LTBP4: variants seen among roughly 807,000 people sequenced by gnomAD.
LTBP4 encodes latent-transforming growth factor beta-binding protein 4.
Under a neutral mutation model 180.2 loss-of-function variants are expected in LTBP4, and 93 were observed. The observed-to-expected ratio is 0.52, with a 90% confidence interval of 0.44 to 0.61. LTBP4 has a LOEUF of 0.61. Ranked by LOEUF, LTBP4 falls within the 20% of genes least tolerant of loss-of-function variation. The pLI is 0.00. For synonymous variants in LTBP4, 947 were observed against 934.5 expected (o/e 1.01, Z -0.24); for missense variants, 2,116 against 2,256.5 (o/e 0.94, Z 1.26).
chr19:40,621,125 T>C (rs2081583666), intron 22 of LTBP4, among the ~76,000 whole-genome samples: 1 of 152,124 alleles, frequency 6.6e-6, no homozygotes, highest in Non-Finnish European at 1.5e-5. Flanking sequence ...GTATTTTTAG[T>C]ACAGACGGGG....
chr19:40,610,744 G>A (rs1229390888), intron 12 of LTBP4, 87 bp downstream of exon 12: 5 of 1,479,812 alleles, frequency 3.4e-6, no homozygotes. Flanking sequence ...GAACAATAGG[G>A]CAAAGCGAGT....
chr19:40,623,166 TTTTC>T (rs1176365908), intron 24 of LTBP4, 145 bp downstream of exon 24: 8 of 526,544 alleles, frequency 1.5e-5, no homozygotes, highest in African/African-American at 2.5e-5. Context: ...TCTTTCTTTC[TTTTC>T]TTTCTTTTTT....
At position 40,626,086 on chromosome 19, in the gene LTBP4, G is replaced by A. The variant is rs541630342; in HGVS notation, c.3985+77G>A. 1.8e-5 allele frequency: 26 copies of A among 1,458,530 alleles called. No individual in the cohort carries two copies. The Admixed American group carries it at 3.5e-4, about 20-fold the overall frequency. 90.3% of individuals were successfully genotyped at this position (1,458,530 alleles called of 1,614,324 possible). Reference sequence around the variant, plus strand: ...AATCTAGGCCCTCAGATCCCCAGTCGCAGAACCCCCAGACTCTATCCAAAC... The same window carrying A: ...AATCTAGGCCCTCAGATCCCCAGTCACAGAACCCCCAGACTCTATCCAAAC... On this transcript the variant is annotated intron_variant, in intron 27 of 29. Transcript: ENST00000396819.
At chr19:40,607,285 C>CCA in intron 6 of LTBP4, 80 bp from the exon 7 acceptor site, 3 of 1,099,384 alleles carry the variant, frequency 2.7e-6, no homozygotes, top group Non-Finnish European at 3.9e-6. Context: ...ACCCCAGAAC[C>CCA]ATTCCCCTCT....
rs770431331 is a variant in LTBP4, at chr19:40,623,977, G to A, written c.3727G>A (p.Gly1243Ser). The change falls in exon 26 of 30, where the codon GGC (glycine) becomes AGC (serine). Residue 1243 changes from glycine to serine, a missense_variant. Gly to Ser is a moderately conservative substitution (Grantham distance 56, BLOSUM62 0). Coordinates refer to ENST00000396819, the MANE Select transcript of LTBP4 (RefSeq NM_001042545.2). Reference sequence around the variant, plus strand: ...CGATGAGGAACCGGCCTGTGAGGGCGGCCGCTGTGTCAACACTGTGGGCTC... The same window carrying A: ...CGATGAGGAACCGGCCTGTGAGGGCAGCCGCTGTGTCAACACTGTGGGCTC... Reference protein sequence around the residue: ...CADEEPACEGGRCVNTVGSYH... With the variant: ...CADEEPACEGSRCVNTVGSYH... The A allele has an allele frequency of 2.5e-6, 4 of 1,613,816 alleles. No homozygotes were observed. Among genetic ancestry groups the A allele is most frequent in the African/African-American group, 1.3e-5 (1 of 75,050 alleles).
At chr19:40,623,394 C>G (rs951910653) in intron 24 of LTBP4, among the ~76,000 whole-genome samples, 1 of 152,018 alleles carries the variant, frequency 6.6e-6, no homozygotes, top group Non-Finnish European at 1.5e-5. Flanking sequence ...AGATTGGTCT[C>G]GAACTCCTGA....
rs190542442 is a variant in LTBP4, at chr19:40,622,887, C to T, written c.3485-63C>T. On this transcript the variant is annotated intron_variant, in intron 23 of 29. Transcript: ENST00000396819. This position sits in a 1 kb window ranked among gnomAD's most constrained non-coding sequence, Gnocchi z 5.1. ...GAGGGACTTTTGTGACAAGTGGGCA[C>T]GAGCAGGTCAGGGCTGGGGCTGGGG... The T allele has an allele frequency of 1.7e-5, 26 of 1,529,416 alleles. No homozygotes were observed. Among genetic ancestry groups the T allele is most frequent in the South Asian group, 8.2e-5 (7 of 85,474 alleles). The allele number at this position is 1,529,416 out of a possible 1,614,324, so 94.7% of individuals were successfully genotyped here.
Position 40,614,208 on chromosome 19 carries a change from C to T in LTBP4, c.2681-107C>T, listed in dbSNP as rs116906234. On this transcript the variant is annotated intron_variant, in intron 18 of 29. Transcript: ENST00000396819. Reference sequence around the variant, plus strand: ...CTCTACCCCAATCTTCTCCTGCCCTCTCCTCTGCTTCCCCGGCCTCCCCCT... The same window carrying T: ...CTCTACCCCAATCTTCTCCTGCCCTTTCCTCTGCTTCCCCGGCCTCCCCCT... 0.021 allele frequency: 31,663 copies of T among 1,475,634 alleles called. 475 individuals are homozygous for T. Among genetic ancestry groups the T allele is most frequent in the Middle Eastern group, 0.031 (174 of 5,698 alleles). The allele number at this position is 1,475,634 out of a possible 1,614,324, so 91.4% of individuals were successfully genotyped here. A position where few individuals can be genotyped will look rare whatever the true frequency, so the allele number is the denominator to read the frequency against.
chr19:40,623,813 C>G, intron 25 of LTBP4, 81 bp downstream of exon 25: 1 of 1,598,454 alleles, frequency 6.3e-7, no homozygotes, highest in South Asian at 1.1e-5. Context: ...ATGTGGCCAC[C>G]ACCAGCGGGA....
chr19:40,619,470 G>A lies in LTBP4; in HGVS notation c.3194G>A (p.Cys1065Tyr). 1.2e-6 allele frequency: 2 copies of A among 1,612,322 alleles called. No individual in the cohort carries two copies. The highest frequency in any genetic ancestry group is 1.7e-6 in the Non-Finnish European group (2 of 1,179,014). ...PEEFDPMTGR[C>Y]VPPRTSAGTF... The stretch of plus-strand genomic sequence containing the variant: ...GAGTTTGACCCCATGACTGGACGCT[G>A]TGTTCCCCCACGAACTTCTGCTGGT... Residue 1065 changes from cysteine (C) to tyrosine (Y), a missense_variant, in exon 22 of 30, where the codon TGT becomes TAT. Around this residue, in one of 5 missense-constraint regions of LTBP4, gnomAD observed 278 missense variants for 373.0 expected, o/e 0.75. Coordinates refer to ENST00000396819, the MANE Select transcript of LTBP4 (RefSeq NM_001042545.2).
intron 1 of LTBP4, among the ~76,000 whole-genome samples, 175 bp from the exon 2 acceptor site, chr19:40,604,860 C>G (rs1409761364): frequency 1.3e-5 from 2 of 152,104 alleles, no homozygotes; most frequent in Admixed American, 6.5e-5. Context: ...TGGGACCGTA[C>G]CTCTGATGGC....
rs780779861 is a variant in LTBP4, at chr19:40,625,998, C to T, written c.3974C>T (p.Ala1325Val). Reference sequence around the variant, plus strand: ...GGCATGGACTGCGCCCTCTGCCCTGCGCAGGACTCAGGTGCTGGCACTGGC... The same window carrying T: ...GGCATGGACTGCGCCCTCTGCCCTGTGCAGGACTCAGGTGCTGGCACTGGC... ...AWGMDCALCP[A>V]QDSDDFEALC... The change falls in exon 27 of 30, where the codon GCG becomes GTG. Residue 1325 changes from alanine to valine, a missense_variant. By Grantham distance (64) the Ala-to-Val change is moderately conservative. Coordinates refer to ENST00000396819, the MANE Select transcript of LTBP4 (RefSeq NM_001042545.2). 21 of 1,603,218 alleles carry T rather than the reference C, an allele frequency of 1.3e-5. No individual in the cohort carries two copies. Among genetic ancestry groups the T allele is most frequent in the East Asian group, 6.8e-5 (3 of 44,346 alleles).
At chr19:40,610,341 T>C (rs1370086831) in intron 11 of LTBP4, 191 bp from the exon 12 acceptor site, 1 of 633,826 alleles carries the variant, frequency 1.6e-6, no homozygotes, top group Admixed American at 2.9e-5. Flanking sequence ...CTTTCTGCCC[T>C]TGCGCTACCA....
In LTBP4 at chr19:40,609,539, C is replaced by T. The variant is rs377274875; in HGVS notation, c.1436C>T (p.Ser479Phe). 26 of 1,612,956 alleles carry T rather than the reference C, an allele frequency of 1.6e-5. No homozygotes were observed. In the African/African-American group the frequency reaches 2.5e-4, roughly 16 times the overall value. Residue 479 changes from serine to phenylalanine, a missense_variant, in exon 10 of 30, where the codon TCC (serine) becomes TTC (phenylalanine). This residue lies in a region of LTBP4 where 877 missense variants were observed against 873.6 expected (regional missense o/e 1.00). Transcript: ENST00000396819. The surrounding 1 kb of genome is among the most constrained non-coding windows in gnomAD (Gnocchi z 4.9). ...GPEIPESGPSSGMCQRNPQVC... is the reference protein window; with the variant it reads ...GPEIPESGPSFGMCQRNPQVC... ...TGACTGGACCCCCCAGGTCCCTCCT[C>T]CGGCATGTGTCAGCGCAACCCCCAG...
chr19:40,623,047 C>A, intron 24 of LTBP4, 26 bp downstream of exon 24: 1 of 1,574,674 alleles, frequency 6.4e-7, no homozygotes, highest in African/African-American at 1.3e-5. Flanking sequence ...GACCCTCCAC[C>A]CCACTCAGCT....
rs2081422693 is a variant in LTBP4, at chr19:40,601,398, G to C, written c.11G>C (p.Gly4Ala). The C allele has an allele frequency of 5.3e-6, 7 of 1,313,876 alleles. No homozygotes were observed. The highest frequency in any genetic ancestry group is 1.5e-5 in the African/African-American group (1 of 65,542). The allele number at this position is 1,313,876 out of a possible 1,614,324, so 81.4% of individuals were successfully genotyped here. ...CGCGGCGCTGCAGCCATGGCGGGCG[G>C]CGTGCGGCTGCTCTGGGTGTCGCTA... Reference protein sequence around the residue: MAGGVRLLWVSLLV... With the variant: MAGAVRLLWVSLLV... Residue 4 changes from glycine to alanine, a missense_variant, in exon 1 of 30, where the codon GGC becomes GCC. By Grantham distance (60) the Gly-to-Ala change is moderately conservative (BLOSUM62 0). Around this residue, in one of 5 missense-constraint regions of LTBP4, gnomAD observed 469 missense variants for 532.5 expected, o/e 0.88. Transcript: ENST00000396819.
At chr19:40,620,457 AT>A (rs35660397) in intron 22 of LTBP4, among the ~76,000 whole-genome samples, 73,154 of 146,754 alleles carry the variant, frequency 0.5, 18,470 homozygotes, top group African/African-American at 0.63. Flanking sequence ...AGGCTGCAGT[AT>A]TTTTTTTTTT....
At chr19:40,621,854 T>C (rs1599875324) in intron 22 of LTBP4, among the ~76,000 whole-genome samples, 1 of 152,142 alleles carries the variant, frequency 6.6e-6, no homozygotes, top group East Asian at 1.9e-4. Flanking sequence ...TTCAAGCGAT[T>C]CTCCTGCCTC....
At chr19:40,602,243 G>T (rs1398557177) in intron 1 of LTBP4, among the ~76,000 whole-genome samples, 2 of 150,798 alleles carry the variant, frequency 1.3e-5, no homozygotes, top group African/African-American at 2.4e-5. Context: ...TCCCACGTGC[G>T]ACAGAAATCC....
Sources: allele counts gnomAD v4.1 joint callset (sites outside exome capture counted in the v4.1 genomes callset), GRCh38; gene constraint gnomAD v4.1.1; regional missense constraint gnomAD v4.1.1; non-coding constraint Gnocchi (gnomAD v3.1); transcripts MANE v1.5; gene names NCBI Gene and HGNC (gene_info 2026-07-23, HGNC 2026-07-21).